Variants in INSL6 observed in about 807,000 individuals in gnomAD.
INSL6 encodes the protein insulin-like peptide INSL6.
Under a neutral mutation model 9.4 loss-of-function variants are expected in INSL6, and 16 were observed. The observed-to-expected ratio is 1.70, with a 90% CI of 1.15 to 2.59. INSL6 has a LOEUF of 2.59. Among genes scored for constraint, INSL6 ranks in the 30% most tolerant of loss-of-function variants. The pLI is 0.00. For synonymous variants in INSL6, 154 were observed against 96.9 expected, an observed-to-expected ratio of 1.59 and a Z score of -3.46; for missense variants, 391 against 257.3, an observed-to-expected ratio of 1.52 and a Z score of -3.56.
chr9:5,034,598 T>A, the INSL6 span, among the ~76,000 whole-genome samples: 1 of 151,420 alleles, frequency 6.6e-6, no homozygotes, highest in Non-Finnish European at 1.5e-5. Context: ...TCAAAACCAC[T>A]CAACTACATG....
chr9:5,082,860 T>C, the INSL6 span, among the ~76,000 whole-genome samples: 2 of 152,218 alleles, frequency 1.3e-5, no homozygotes, highest in Non-Finnish European at 2.9e-5. Flanking sequence ...TTTGTGAGCT[T>C]CAGGTTGGGG....
At chr9:5,112,423 C>T in the INSL6 span, 205 of 492,310 alleles carry the variant, frequency 4.2e-4, 2 homozygotes, top group South Asian at 4.7e-3. Context: ...AACACGTCGG[C>T]GGCTGACCAC....
the INSL6 span, among the ~76,000 whole-genome samples, chr9:5,116,992 C>G: frequency 6.6e-6 from 1 of 152,208 alleles, no homozygotes; most frequent in Non-Finnish European, 1.5e-5. Context: ...TGACCTCTCC[C>G]TCATGAATGG....
At chr9:5,013,197 A>G in the INSL6 span, among the ~76,000 whole-genome samples, 1 of 152,132 alleles carries the variant, frequency 6.6e-6, no homozygotes, top group Non-Finnish European at 1.5e-5. Context: ...TTTTTCTAAT[A>G]ACTTATATCT....
chr9:5,128,429 C>T (rs553915367), intron 3 of INSL6, among the ~76,000 whole-genome samples: 1 of 151,786 alleles, frequency 6.6e-6, no homozygotes, highest in East Asian at 1.9e-4. Flanking sequence ...TTTGTATATG[C>T]AACACAGTAA....
chr9:5,041,499 G>A, the INSL6 span: 9 of 582,156 alleles, frequency 1.5e-5, no homozygotes, highest in African/African-American at 1.5e-4. Flanking sequence ...ACAGAAGATC[G>A]GGGACACATA....
chr9:4,992,714 C>T, the INSL6 span, among the ~76,000 whole-genome samples: 4 of 152,092 alleles, frequency 2.6e-5, no homozygotes, highest in Non-Finnish European at 5.9e-5. Context: ...ACTGAGGACC[C>T]ATGAAGAGAC....
the INSL6 span, among the ~76,000 whole-genome samples, chr9:5,079,090 A>T: frequency 1.3e-5 from 2 of 152,230 alleles, no homozygotes; most frequent in East Asian, 3.8e-4. Flanking sequence ...TTAAGCTAAT[A>T]GTACTTAAAC....
chr9:5,076,533 T>C, the INSL6 span, among the ~76,000 whole-genome samples: 4 of 152,302 alleles, frequency 2.6e-5, no homozygotes, highest in Middle Eastern at 3.4e-3. Context: ...TCTTTGTTTT[T>C]TTTAAGATAT....
chr9:4,993,279 T>A, the INSL6 span, among the ~76,000 whole-genome samples: 1 of 152,220 alleles, frequency 6.6e-6, no homozygotes, highest in African/African-American at 2.4e-5. Flanking sequence ...AGGTACTGAT[T>A]TAGATCTTAA....
At chr9:5,154,311 CA>C (rs1243656168) in intron 2 of INSL6, among the ~76,000 whole-genome samples, 2 of 152,166 alleles carry the variant, frequency 1.3e-5, no homozygotes, top group African/African-American at 4.8e-5. Flanking sequence ...ACACCTTATA[CA>C]AAAATTAATT....
At chr9:5,121,354 TAAG>T (rs1823604799), downstream of INSL6, among the ~76,000 whole-genome samples, 2 of 152,340 alleles carry the variant, frequency 1.3e-5, no homozygotes, top group South Asian at 2.1e-4. Flanking sequence ...AGTCCTCAAG[TAAG>T]AAGACTTGAC....
At chr9:5,112,586 A>T in the INSL6 span, 34 of 723,652 alleles carry the variant, frequency 4.7e-5, no homozygotes, top group South Asian at 1.1e-4. Flanking sequence ...GTCCCTTAAG[A>T]GGGCTCTTAA....
the INSL6 span, among the ~76,000 whole-genome samples, chr9:5,105,837 T>C: frequency 6.6e-6 from 1 of 152,200 alleles, no homozygotes; most frequent in Non-Finnish European, 1.5e-5. Context: ...TAATAAATGG[T>C]GCTGGGAAAA....
At chr9:5,068,665 A>AGATTGGAGATGGAG in the INSL6 span, among the ~76,000 whole-genome samples, 1 of 152,222 alleles carries the variant, frequency 6.6e-6, no homozygotes, top group South Asian at 2.1e-4. Context: ...GCAGGAGCTG[A>AGATTGGAGATGGAG]GATTGGAGAT....
chr9:5,176,886 G>A (rs1825320956), intron 1 of INSL6, among the ~76,000 whole-genome samples: 1 of 152,106 alleles, frequency 6.6e-6, no homozygotes, highest in African/African-American at 2.4e-5. Flanking sequence ...CTCTAGCCAA[G>A]TCACTAACTA....
chr9:5,154,462 A>C (rs531648798), intron 2 of INSL6, among the ~76,000 whole-genome samples: 1 of 152,174 alleles, frequency 6.6e-6, no homozygotes. Context: ...CAAAAGCCAA[A>C]ATTGACAAAT....
At chr9:5,088,915 G>T in the INSL6 span, among the ~76,000 whole-genome samples, 1 of 152,164 alleles carries the variant, frequency 6.6e-6, no homozygotes, top group African/African-American at 2.4e-5. Flanking sequence ...GGGGGTTAAG[G>T]CTTCATTATA....
the INSL6 span, among the ~76,000 whole-genome samples, chr9:5,107,260 C>T: frequency 6.6e-6 from 1 of 152,106 alleles, no homozygotes; most frequent in African/African-American, 2.4e-5. Context: ...CGACACCTTA[C>T]TGGCCCTACT....
Sources: gnomAD v4.1 joint callset for allele counts (sites outside exome capture counted in the v4.1 genomes callset) on GRCh38, gnomAD v4.1.1 for gene constraint, MANE v1.5 for transcripts, NCBI Gene and HGNC (gene_info 2026-07-23, HGNC 2026-07-21) for gene names.